The following CAPZA1 variants were observed in gnomAD, a reference collection of about 807,000 sequenced individuals.
The protein encoded by CAPZA1 is F-actin-capping protein subunit alpha-1.
A neutral mutation model predicts 40.8 loss-of-function variants in CAPZA1; 10 were observed. The observed-to-expected ratio is 0.25, with a 90% confidence interval of 0.15 to 0.42. CAPZA1 has a LOEUF of 0.42. CAPZA1 is among the 10% of genes least tolerant of loss of function. The pLI is 1.00. For missense variants in CAPZA1, 277 were observed against 353.8 expected (o/e 0.78, Z 1.74); for synonymous variants, 98 against 115.0 (o/e 0.85, Z 0.95).
intron 1 of CAPZA1, among the ~76,000 whole-genome samples, chr1:112,643,875 C>CTTTTTTTTTTTTTTTTTTTTGAGACGG (rs1557731528): frequency 1.3e-5 from 2 of 152,046 alleles, no homozygotes; most frequent in African/African-American, 4.8e-5. Context: ...GAGACAGTCT[C>CTTTTTTTTTTTTTTTTTTTTGAGACGG]ACTCTGTCGC....
intron 5 of CAPZA1, among the ~76,000 whole-genome samples, chr1:112,655,174 CA>C (rs1329958100): frequency 2.0e-5 from 3 of 152,092 alleles, no homozygotes. Flanking sequence ...ATTCAGTAAT[CA>C]AAACTATTAG....
intron 7 of CAPZA1, 61 bp downstream of exon 7, chr1:112,659,840 C>T: frequency 2.2e-6 from 3 of 1,333,996 alleles, no homozygotes; most frequent in South Asian, 1.2e-5. Flanking sequence ...GTGCAGGTTG[C>T]TTTGGTATTA....
rs1670545030 is a variant in CAPZA1, at chr1:112,619,898, T to C, written c.39+15T>C. On this transcript the variant is annotated intron_variant, in intron 1 of 9. Transcript: ENST00000263168. ...ATGAGGAGAAGGTAAGGGGTCCGCC[T>C]CTCTCTCTTACCTCCTCCCCCGACA... The C allele has an allele frequency of 6.3e-7, 1 of 1,597,558 alleles. No individual in the cohort carries two copies. Among genetic ancestry groups the C allele is most frequent in the Non-Finnish European group, 8.6e-7 (1 of 1,169,216 alleles).
chr1:112,626,837 G>T (rs1165611102), intron 1 of CAPZA1, among the ~76,000 whole-genome samples: 4 of 152,220 alleles, frequency 2.6e-5, no homozygotes, highest in African/African-American at 9.6e-5. Context: ...GGCAGTGTCA[G>T]TGAAATGGAA....
intron 3 of CAPZA1, among the ~76,000 whole-genome samples, chr1:112,650,314 C>G (rs867050181): frequency 6.6e-6 from 1 of 152,182 alleles, no homozygotes. Flanking sequence ...ATAATCTGCC[C>G]TGTCCATGCT....
chr1:112,648,365 T>G (rs1161998457), intron 2 of CAPZA1, among the ~76,000 whole-genome samples: 2 of 145,664 alleles, frequency 1.4e-5, no homozygotes, highest in African/African-American at 5.4e-5. Context: ...TTTTTTTTTT[T>G]TTTTGACGGA....
At chr1:112,630,042 ATTTTT>A (rs1043292008) in intron 1 of CAPZA1, among the ~76,000 whole-genome samples, 3 of 151,722 alleles carry the variant, frequency 2.0e-5, no homozygotes, top group African/African-American at 7.3e-5. Context: ...GTTGTTTTTA[ATTTTT>A]TTATTTTATT....
At chr1:112,651,513 G>T (rs776129562) in intron 3 of CAPZA1, among the ~76,000 whole-genome samples, 14 of 152,134 alleles carry the variant, frequency 9.2e-5, no homozygotes, top group Non-Finnish European at 1.9e-4. Flanking sequence ...TTTACTGATG[G>T]ACTGGATGTG....
At chr1:112,624,707 C>A (rs984293118) in intron 1 of CAPZA1, among the ~76,000 whole-genome samples, 1 of 151,516 alleles carries the variant, frequency 6.6e-6, no homozygotes, top group Non-Finnish European at 1.5e-5. Context: ...TTCTAGCCAC[C>A]TTGTCACTGA....
chr1:112,648,075 T>C (rs1415091437), intron 2 of CAPZA1, among the ~76,000 whole-genome samples: 1 of 152,346 alleles, frequency 6.6e-6, no homozygotes, highest in East Asian at 1.9e-4. Flanking sequence ...AGAGGAACTG[T>C]ATGATATTCC....
chr1:112,620,364 G>A (rs999502949), intron 1 of CAPZA1: 1 of 153,412 alleles, frequency 6.5e-6, no homozygotes, highest in African/African-American at 2.4e-5. Context: ...TCCTCAGGAA[G>A]TGATTTTGCT....
chr1:112,650,981 C>A (rs906902420), intron 3 of CAPZA1, among the ~76,000 whole-genome samples: 20 of 152,142 alleles, frequency 1.3e-4, no homozygotes, highest in Non-Finnish European at 2.8e-4. Context: ...TTCCTGGACC[C>A]AAATATTTGA....
chr1:112,622,788 A>G (rs1670701595), intron 1 of CAPZA1, among the ~76,000 whole-genome samples: 1 of 152,212 alleles, frequency 6.6e-6, no homozygotes, highest in South Asian at 2.1e-4. Flanking sequence ...TTTTTGAGAA[A>G]CAAGTTTATC....
At chr1:112,645,451 C>G (rs1160911658) in intron 1 of CAPZA1, among the ~76,000 whole-genome samples, 2 of 151,788 alleles carry the variant, frequency 1.3e-5, no homozygotes, top group African/African-American at 4.8e-5. Context: ...ATAGTGAGAC[C>G]CTCTCTCTGC....
At position 112,649,410 on chromosome 1, in the gene CAPZA1, C is replaced by T; in HGVS notation, c.104-8C>T. 1 of 1,608,472 alleles carries T rather than the reference C, an allele frequency of 6.2e-7. No homozygotes were observed. The highest frequency in any genetic ancestry group is 8.5e-7 in the Non-Finnish European group (1 of 1,175,844). ...TCCACTGAACATTGTAACATTTTTC[C>T]TCCTCAGACGTTCGGCTACTACTTA... On this transcript the variant is annotated splice_region_variant and splice_polypyrimidine_tract_variant and intron_variant, in intron 2 of 9. Coordinates refer to ENST00000263168, the MANE Select transcript of CAPZA1 (RefSeq NM_006135.3).
At chr1:112,627,902 G>C (rs1309077130) in intron 1 of CAPZA1, among the ~76,000 whole-genome samples, 1 of 152,114 alleles carries the variant, frequency 6.6e-6, no homozygotes, top group African/African-American at 2.4e-5. Context: ...GGAGGTTGCA[G>C]TGAGCCAAGA....
At chr1:112,633,244 C>A (rs558107062) in intron 1 of CAPZA1, among the ~76,000 whole-genome samples, 86 of 152,234 alleles carry the variant, frequency 5.6e-4, no homozygotes, top group Non-Finnish European at 9.7e-4. Flanking sequence ...CCATCCCTTC[C>A]CTGACCCCTC....
chr1:112,624,889 A>G lies in CAPZA1; in HGVS notation c.39+5006A>G, dbSNP rs12031838. Among the ~76,000 whole-genome samples, 8 of 152,256 alleles carry G rather than the reference A, an allele frequency of 5.3e-5. No individual in the cohort carries two copies. In the East Asian group the frequency reaches 1.5e-3, roughly 29 times the overall value. ...ACACAAAAATGTTCTGGGAGGTTCT[A>G]TTCATTGTCTGCTTTCCTACATTTG... On this transcript the variant is annotated intron_variant, in intron 1 of 9. Transcript: ENST00000263168.
At chr1:112,625,138 A>G (rs1308720147) in intron 1 of CAPZA1, among the ~76,000 whole-genome samples, 1 of 152,128 alleles carries the variant, frequency 6.6e-6, no homozygotes, top group Non-Finnish European at 1.5e-5. Flanking sequence ...TGTATTCAAG[A>G]GTATGTCCAC....
Sources: gnomAD v4.1 joint callset for allele counts (sites outside exome capture counted in the v4.1 genomes callset) on GRCh38, gnomAD v4.1.1 for gene constraint, MANE v1.5 for transcripts, NCBI Gene and HGNC (gene_info 2026-07-23, HGNC 2026-07-21) for gene names.